Variants in SHOC2 observed in about 807,000 individuals in gnomAD.
The protein encoded by SHOC2 is leucine-rich repeat protein SHOC-2.
In SHOC2, 4 loss-of-function variants were observed where a neutral mutation model predicts 50.2. The ratio of observed to expected loss-of-function variants is 0.08; its 90% CI spans 0.04 to 0.18. The LOEUF is 0.18. SHOC2 is among the 10% of genes least tolerant of loss of function. The pLI, the probability that SHOC2 is intolerant of heterozygous loss-of-function variation, is 1.00. For synonymous variants in SHOC2, 218 were observed against 244.5 expected (o/e 0.89, Z 1.01); for missense variants, 388 against 669.6 (o/e 0.58, Z 4.64).
chr10:110,925,070 CAAAAAAAAA>C (rs763203844), intron 1 of SHOC2, among the ~76,000 whole-genome samples: 1 of 82,510 alleles, frequency 1.2e-5, no homozygotes, highest in African/African-American at 4.9e-5. Context: ...GACTCTGTCT[CAAAAAAAAA>C]AAAAAAAAAA....
chr10:110,997,781 G>A (rs1848295789), intron 3 of SHOC2, among the ~76,000 whole-genome samples: 2 of 152,110 alleles, frequency 1.3e-5, no homozygotes, highest in Admixed American at 1.3e-4. Context: ...CAGACACAGA[G>A]AGGTTAAGTA....
chr10:110,991,132 T>A (rs1172015865), intron 3 of SHOC2, among the ~76,000 whole-genome samples: 1 of 152,164 alleles, frequency 6.6e-6, no homozygotes, highest in East Asian at 1.9e-4. Flanking sequence ...TTTAATATTT[T>A]TATATATGTG....
At chr10:110,972,964 G>A (rs1210956169) in intron 2 of SHOC2, among the ~76,000 whole-genome samples, 2 of 152,154 alleles carry the variant, frequency 1.3e-5, no homozygotes, top group Non-Finnish European at 2.9e-5. Flanking sequence ...ACATTGTACC[G>A]TAAAGACAGC....
intron 1 of SHOC2, among the ~76,000 whole-genome samples, chr10:110,952,905 G>C (rs974832499): frequency 7.9e-5 from 12 of 151,940 alleles, no homozygotes; most frequent in African/African-American, 2.7e-4. Flanking sequence ...TTCTTTTTTT[G>C]TGACTGCATA....
At chr10:110,997,295 T>A (rs1038966168) in intron 3 of SHOC2, among the ~76,000 whole-genome samples, 4 of 152,190 alleles carry the variant, frequency 2.6e-5, no homozygotes, top group Admixed American at 6.5e-5. Flanking sequence ...CACAATTTTT[T>A]AAAAAATTAA....
At chr10:110,984,611 C>T (rs759237047) in intron 2 of SHOC2, among the ~76,000 whole-genome samples, 5 of 152,054 alleles carry the variant, frequency 3.3e-5, no homozygotes, top group Non-Finnish European at 5.9e-5. Flanking sequence ...TATCTCCAAC[C>T]TCTGCCTTAA....
At chr10:110,975,756 A>C (rs1847866535) in intron 2 of SHOC2, among the ~76,000 whole-genome samples, 1 of 152,056 alleles carries the variant, frequency 6.6e-6, no homozygotes, top group Admixed American at 6.6e-5. Flanking sequence ...GCTTCTCCAC[A>C]GCTTCTCCAC....
At chr10:110,993,762 A>G (rs1848223253) in intron 3 of SHOC2, among the ~76,000 whole-genome samples, 1 of 152,214 alleles carries the variant, frequency 6.6e-6, no homozygotes, top group African/African-American at 2.4e-5. Context: ...AGAAATTTCA[A>G]GAATCTGGTT....
chr10:110,973,751 A>G (rs528644920), intron 2 of SHOC2, among the ~76,000 whole-genome samples: 89 of 151,730 alleles, frequency 5.9e-4, no homozygotes, highest in African/African-American at 2.0e-3. Flanking sequence ...CAGGTTTTCT[A>G]TTTGTTCTCT....
intron 1 of SHOC2, among the ~76,000 whole-genome samples, chr10:110,932,129 A>G (rs1846907533): frequency 6.6e-6 from 1 of 152,230 alleles, no homozygotes; most frequent in Non-Finnish European, 1.5e-5. Flanking sequence ...GCAGAAGAAT[A>G]TAGCTTGTGC....
intron 1 of SHOC2, among the ~76,000 whole-genome samples, chr10:110,928,522 T>A (rs537625226): frequency 3.6e-4 from 55 of 152,304 alleles, no homozygotes; most frequent in African/African-American, 1.3e-3. Flanking sequence ...CTGCACTAGT[T>A]GTAAAAGATA....
intron 1 of SHOC2, among the ~76,000 whole-genome samples, chr10:110,958,752 G>C (rs1245423121): frequency 1.3e-5 from 2 of 150,296 alleles, no homozygotes; most frequent in Admixed American, 6.6e-5. Context: ...TCCCTGTCTT[G>C]AATAATCATG....
At chr10:110,945,901 G>C (rs74892892) in intron 1 of SHOC2, among the ~76,000 whole-genome samples, 249 of 152,208 alleles carry the variant, frequency 1.6e-3, no homozygotes, top group African/African-American at 5.8e-3. Flanking sequence ...ATCAGGTTCT[G>C]ATTCTCTGTG....
At chr10:110,937,469 G>A (rs947919462) in intron 1 of SHOC2, among the ~76,000 whole-genome samples, 1 of 152,192 alleles carries the variant, frequency 6.6e-6, no homozygotes, top group Non-Finnish European at 1.5e-5. Flanking sequence ...TGCCTTCACT[G>A]TATTTAGTAG....
At chr10:110,975,460 G>C (rs897507869) in intron 2 of SHOC2, among the ~76,000 whole-genome samples, 2 of 152,164 alleles carry the variant, frequency 1.3e-5, no homozygotes, top group Admixed American at 1.3e-4. Context: ...ATTTTTAATA[G>C]TCATGTGTCC....
rs114420033 is a variant in SHOC2 at position 110,923,875 on chromosome 10, T to C, written c.-235+4218T>C. Among the ~76,000 whole-genome samples, 723 of 152,322 alleles carry C rather than the reference T, an allele frequency of 4.7e-3. 6 individuals carry two copies. The highest frequency in any genetic ancestry group is 0.016 in the African/African-American group (686 of 41,578). The stretch of plus-strand genomic sequence containing the variant: ...TTTGCCCTCAATTACTATTTAAAAG[T>C]CCTATAATTTTAAGTAATTTTACAG... On this transcript the variant is annotated intron_variant, in intron 1 of 8. Coordinates refer to ENST00000369452, the MANE Select transcript of SHOC2 (RefSeq NM_007373.4).
intron 2 of SHOC2, among the ~76,000 whole-genome samples, chr10:110,973,535 A>T (rs1395853590): frequency 6.6e-6 from 1 of 152,116 alleles, no homozygotes; most frequent in East Asian, 1.9e-4. Context: ...GTATCAGGGT[A>T]ATACTGTCCT....
intron 2 of SHOC2, among the ~76,000 whole-genome samples, chr10:110,972,388 T>G (rs977480810): frequency 2.0e-5 from 3 of 152,144 alleles, no homozygotes; most frequent in Admixed American, 1.3e-4. Flanking sequence ...GCTAAGTAAC[T>G]TACTTTAGCA....
chr10:110,993,419 G>A (rs1848217907), intron 3 of SHOC2, among the ~76,000 whole-genome samples: 1 of 152,144 alleles, frequency 6.6e-6, no homozygotes. Context: ...TTAGCTGAGA[G>A]TAATGGACTT....
Sources: gnomAD v4.1 joint callset for allele counts (sites outside exome capture counted in the v4.1 genomes callset) on GRCh38, gnomAD v4.1.1 for gene constraint, MANE v1.5 for transcripts, NCBI Gene and HGNC (gene_info 2026-07-23, HGNC 2026-07-21) for gene names.